The following SRPX variants were observed in gnomAD, a reference collection of about 807,000 sequenced individuals.
SRPX encodes the protein sushi repeat containing protein X-linked.
In SRPX, 24 loss-of-function variants were observed where a neutral mutation model predicts 38.1. The ratio of observed to expected loss-of-function variants is 0.63; its 90% CI spans 0.46 to 0.89. The LOEUF is 0.89. Ranked by LOEUF, SRPX falls within the 40% of genes least tolerant of loss-of-function variation. The pLI is 0.00. For synonymous variants in SRPX, 184 were observed against 153.8 expected (o/e 1.20, Z -1.45); for missense variants, 416 against 377.8 (o/e 1.10, Z -0.84).
intron 5 of SRPX, among the ~76,000 whole-genome samples, chrX:38,162,132 T>G (rs1191989724): frequency 9.0e-6 from 1 of 111,710 alleles, no homozygotes; most frequent in Non-Finnish European, 1.9e-5. Flanking sequence ...CTGAGAGGAG[T>G]GATACTTCAA....
intron 1 of SRPX, among the ~76,000 whole-genome samples, chrX:38,211,118 T>G: frequency 1.8e-5 from 2 of 112,578 alleles, no homozygotes; most frequent in Middle Eastern, 9.2e-3. Context: ...CATGGCTGTG[T>G]TCCAATAACA....
intron 7 of SRPX, among the ~76,000 whole-genome samples, chrX:38,158,087 G>A (rs1315702284): frequency 8.9e-6 from 1 of 112,290 alleles, no homozygotes; most frequent in Non-Finnish European, 1.9e-5. Context: ...GTATCTGCTG[G>A]GGAAAGGGGT....
rs185946422 is a variant in SRPX at position 38,203,747 on chromosome X, C to A, written c.97+16949G>T. On this transcript the variant is annotated intron_variant, in intron 1 of 9. Coordinates refer to ENST00000378533, the MANE Select transcript of SRPX (RefSeq NM_006307.5). ...TGTGCCGAGATTGTGCCACTGCATTCCAGCCTGCGCAACAAAAGGAGAGAA... is the reference window on the plus strand; with the variant it reads ...TGTGCCGAGATTGTGCCACTGCATTACAGCCTGCGCAACAAAAGGAGAGAA... Among the ~76,000 whole-genome samples, 3 of 111,971 alleles carry A rather than the reference C, an allele frequency of 2.7e-5. No homozygotes were observed. The Admixed American group carries it at 2.8e-4, about 11-fold the overall frequency.
At chrX:38,183,540 CTG>C (rs1938710487) in intron 1 of SRPX, among the ~76,000 whole-genome samples, 1 of 111,875 alleles carries the variant, frequency 8.9e-6, no homozygotes, top group African/African-American at 3.3e-5. Flanking sequence ...GTTCAGTAGA[CTG>C]TACTTACTAA....
chrX:38,177,709 A>G (rs970957694), intron 2 of SRPX, among the ~76,000 whole-genome samples: 5 of 111,987 alleles, frequency 4.5e-5, no homozygotes, highest in African/African-American at 1.6e-4. Flanking sequence ...GAGTCTGGAC[A>G]GAAGGTTCTT....
chrX:38,186,811 T>C (rs1487086315), intron 1 of SRPX, among the ~76,000 whole-genome samples: 3 of 112,095 alleles, frequency 2.7e-5, no homozygotes, highest in Non-Finnish European at 5.6e-5. Flanking sequence ...AAGCCAGACT[T>C]CTAGCCCCCA....
chrX:38,174,130 G>A, intron 3 of SRPX, 30 bp downstream of exon 3: 1 of 1,012,262 alleles, frequency 9.9e-7, no homozygotes, highest in African/African-American at 2.0e-5. Flanking sequence ...GGTCATCCCT[G>A]AGGACCCAAC....
chrX:38,181,398 G>A lies in SRPX; in HGVS notation c.98-3054C>T, dbSNP rs189712394. The stretch of plus-strand genomic sequence containing the variant: ...TCCCTTATCCCTAGGTTGTGAAAGG[G>A]TCTACTTTTAGTGATTTGGAAGGAA... On this transcript the variant is annotated intron_variant, in intron 1 of 9. Transcript: ENST00000378533. Among the ~76,000 whole-genome samples the A allele has an allele frequency of 8.0e-5, 9 of 112,493 alleles. No homozygotes were observed. In the East Asian group the frequency reaches 2.5e-3, roughly 31 times the overall value.
chrX:38,201,384 TA>T (rs377395808), intron 1 of SRPX, among the ~76,000 whole-genome samples: 60 of 104,151 alleles, frequency 5.8e-4, no homozygotes, highest in Admixed American at 1.3e-3. Flanking sequence ...AATGTAATGT[TA>T]AAAAAAAAAA....
At chrX:38,159,974 G>A (rs757899348) in intron 7 of SRPX, 43 bp downstream of exon 7, 2 of 1,177,042 alleles carry the variant, frequency 1.7e-6, no homozygotes, top group Admixed American at 2.3e-5. Context: ...AGAACCAAGG[G>A]GTTTACAGGT....
chrX:38,176,981 T>C (rs1271798197), intron 2 of SRPX, among the ~76,000 whole-genome samples: 1 of 110,841 alleles, frequency 9.0e-6, no homozygotes, highest in African/African-American at 3.3e-5. Context: ...GCACACATTT[T>C]GGCCATCTGG....
chrX:38,154,437 A>T, intron 9 of SRPX, 25 bp downstream of exon 9: 1 of 1,191,587 alleles, frequency 8.4e-7, no homozygotes, highest in African/African-American at 1.7e-5. Context: ...AGGGGATAAG[A>T]TTTAAGAACA....
chrX:38,178,185 G>A (rs1295555876), intron 2 of SRPX, 100 bp downstream of exon 2: 5 of 528,873 alleles, frequency 9.5e-6, no homozygotes, highest in Non-Finnish European at 1.5e-5. Context: ...GAACTTAAAT[G>A]TGTTGTCTGG....
intron 1 of SRPX, among the ~76,000 whole-genome samples, chrX:38,198,639 T>G (rs923934876): frequency 7.2e-5 from 8 of 111,659 alleles, no homozygotes; most frequent in African/African-American, 2.3e-4. Flanking sequence ...TGAAGTAGGA[T>G]TCTACAACAC....
chrX:38,178,224 CA>C, intron 2 of SRPX, 60 bp downstream of exon 2: 2 of 960,208 alleles, frequency 2.1e-6, no homozygotes, highest in Non-Finnish European at 2.9e-6. Flanking sequence ...TTTCACAAGG[CA>C]AAAAGGAAAG....
intron 1 of SRPX, among the ~76,000 whole-genome samples, chrX:38,204,236 G>T (rs1477364320): frequency 1.8e-5 from 2 of 111,846 alleles, no homozygotes; most frequent in African/African-American, 6.5e-5. Context: ...TAAACAAACT[G>T]ATCCTAAAAT....
At chrX:38,197,683 T>A (rs1402059380) in intron 1 of SRPX, among the ~76,000 whole-genome samples, 2 of 111,887 alleles carry the variant, frequency 1.8e-5, no homozygotes, top group Non-Finnish European at 3.8e-5. Context: ...AACAAATAAA[T>A]AAAAAGTTTG....
chrX:38,178,599 C>A (rs1216294310), intron 1 of SRPX, among the ~76,000 whole-genome samples: 3 of 111,490 alleles, frequency 2.7e-5, no homozygotes, highest in Non-Finnish European at 5.7e-5. Flanking sequence ...AAGTGAAATT[C>A]TGGAATAGGG....
intron 5 of SRPX, 147 bp from the exon 6 acceptor site, chrX:38,161,201 A>G: frequency 1.6e-6 from 1 of 630,372 alleles, no homozygotes; most frequent in African/African-American, 2.2e-5. Flanking sequence ...TGAAGAATAG[A>G]ATCTCCTAAG....
Sources: allele counts gnomAD v4.1 joint callset (sites outside exome capture counted in the v4.1 genomes callset), GRCh38; gene constraint gnomAD v4.1.1; transcripts MANE v1.5; gene names NCBI Gene and HGNC (gene_info 2026-07-23, HGNC 2026-07-21).